The following STAT4 variants were observed in gnomAD, a reference collection of about 807,000 sequenced individuals.
STAT4 encodes the protein signal transducer and activator of transcription 4.
A neutral mutation model predicts 110.5 loss-of-function variants in STAT4; 42 were observed. That is an observed-to-expected ratio of 0.38 (90% CI 0.30 to 0.49). The LOEUF (loss-of-function observed/expected upper bound fraction) is 0.49. STAT4 is among the 20% of genes least tolerant of loss of function. STAT4 has a pLI of 0.95. For synonymous variants in STAT4, 284 were observed against 302.2 expected (o/e 0.94, Z 0.63); for missense variants, 632 against 887.9 (o/e 0.71, Z 3.66).
In STAT4 at chr2:191,031,487, C is replaced by T. The variant is rs1330106664; in HGVS notation, c.2074G>A (p.Gly692Ser). ...GGGATAAAAACAGAAGGAACATAAC[C>T]TTTGTCACCCCTTTCTGTTGGTCTT... ...VSRPTERGDK[G>S]YVPSVFIPIS... The change falls in exon 22 of 24, where the codon GGT becomes AGT. Residue 692 changes from glycine to serine, a missense_variant. Physicochemically the swap from Gly to Ser is moderately conservative, Grantham distance 56. Around this residue, in one of 4 missense-constraint regions of STAT4, gnomAD observed 38 missense variants for 33.2 expected, o/e 1.15. Transcript: ENST00000392320. The surrounding 1 kb of genome is among the most constrained non-coding windows in gnomAD (Gnocchi z 4.8). 1.2e-6 allele frequency: 2 copies of T among 1,613,184 alleles called. No homozygotes were observed. The highest frequency in any genetic ancestry group is 3.3e-5 in the Admixed American group (2 of 59,946).
chr2:191,124,404 G>A (rs371267804), intron 3 of STAT4, among the ~76,000 whole-genome samples: 1 of 143,744 alleles, frequency 7.0e-6, no homozygotes, highest in Admixed American at 7.2e-5. Context: ...GCAGTGAGCC[G>A]AGATAGCACC....
rs1695936358 is a variant in STAT4 at position 191,032,784 on chromosome 2, T to C, written c.2044+174A>G. Reference sequence around the variant, plus strand: ...GTGTTAGAAAGCCCAGCGGTCCCTTTTCAGGAACTGCTGACATACCACTTC... The same window carrying C: ...GTGTTAGAAAGCCCAGCGGTCCCTTCTCAGGAACTGCTGACATACCACTTC... On this transcript the variant is annotated intron_variant, in intron 21 of 23. Transcript: ENST00000392320. This position sits in a 1 kb window ranked among gnomAD's most constrained non-coding sequence, Gnocchi z 4.9. The C allele has an allele frequency of 1.5e-6, 1 of 652,784 alleles. No individual in the cohort carries two copies. The highest frequency in any genetic ancestry group is 2.5e-6 in the Non-Finnish European group (1 of 398,408). 40.4% of individuals were successfully genotyped at this position (652,784 alleles called of 1,614,324 possible). A position where few individuals can be genotyped will look rare whatever the true frequency, so the allele number is the denominator to read the frequency against.
At position 191,039,605 on chromosome 2, in the gene STAT4, C is replaced by T. The variant is rs538847400; in HGVS notation, c.1336-308G>A. Among the ~76,000 whole-genome samples the T allele has an allele frequency of 6.6e-6, 1 of 152,280 alleles. No individual in the cohort carries two copies. Among genetic ancestry groups the T allele is most frequent in the East Asian group, 1.9e-4 (1 of 5,190 alleles). ...TAAATGTCACCCACTGTCTCAAGTGCAATATATTAGAGAGTCTATTGAATT... is the reference window on the plus strand; with the variant it reads ...TAAATGTCACCCACTGTCTCAAGTGTAATATATTAGAGAGTCTATTGAATT... On this transcript the variant is annotated intron_variant, in intron 15 of 23. Transcript: ENST00000392320. The surrounding 1 kb of genome is among the most constrained non-coding windows in gnomAD (Gnocchi z 4.7).
chr2:191,089,286 A>T lies in STAT4; in HGVS notation c.274-12961T>A, dbSNP rs74554049. ...CTCACCAAAGAAGATATATAGATGA[A>T]AAATAGGCATATGAAAAGATGCTCC... On this transcript the variant is annotated intron_variant, in intron 3 of 23. Coordinates refer to ENST00000392320, the MANE Select transcript of STAT4 (RefSeq NM_003151.4). Among the ~76,000 whole-genome samples, 14 of 152,328 alleles carry T rather than the reference A, an allele frequency of 9.2e-5. No individual in the cohort carries two copies. The East Asian group carries it at 2.7e-3, about 29-fold the overall frequency.
In STAT4 at chr2:191,029,690, C is replaced by T; in HGVS notation, c.*150G>A. Reference sequence around the variant, plus strand: ...CACAACACTCCCAATTGAGGAGTGCCACGGGAGTGTGAAGAGAGCTTCAGA... The same window carrying T: ...CACAACACTCCCAATTGAGGAGTGCTACGGGAGTGTGAAGAGAGCTTCAGA... On this transcript the variant is annotated 3_prime_UTR_variant, in exon 24 of 24. Coordinates refer to ENST00000392320, the MANE Select transcript of STAT4 (RefSeq NM_003151.4). This position sits in a 1 kb window ranked among gnomAD's most constrained non-coding sequence, Gnocchi z 4.5. 1.4e-6 allele frequency: 1 copy of T among 711,162 alleles called. No homozygotes were observed. Among genetic ancestry groups the T allele is most frequent in the Non-Finnish European group, 2.4e-6 (1 of 418,658 alleles). 44.1% of individuals were successfully genotyped at this position (711,162 alleles called of 1,614,324 possible). A position where few individuals can be genotyped will look rare whatever the true frequency, so the allele number is the denominator to read the frequency against.
At chr2:191,098,250 A>T (rs1184573995) in intron 3 of STAT4, among the ~76,000 whole-genome samples, 2 of 152,240 alleles carry the variant, frequency 1.3e-5, no homozygotes, top group Non-Finnish European at 2.9e-5. Context: ...TGACCCAGCG[A>T]TCCCATTACT....
chr2:191,094,917 C>CAAAAAAAAAAAAAA (rs1165913847), intron 3 of STAT4, among the ~76,000 whole-genome samples: 5 of 77,918 alleles, frequency 6.4e-5, no homozygotes, highest in African/African-American at 1.2e-4. Context: ...AAATGGAAAG[C>CAAAAAAAAAAAAAA]AAAAAAAAAA....
intron 3 of STAT4, among the ~76,000 whole-genome samples, chr2:191,136,025 AAAAAAC>A (rs1221882644): frequency 4.8e-5 from 6 of 125,432 alleles, no homozygotes; most frequent in African/African-American, 1.9e-4. Context: ...AAAAAAAACC[AAAAAAC>A]AAAAAACCAA....
intron 3 of STAT4, among the ~76,000 whole-genome samples, chr2:191,106,863 T>C (rs1346878263): frequency 6.6e-6 from 1 of 152,138 alleles, no homozygotes; most frequent in Non-Finnish European, 1.5e-5. Flanking sequence ...TTAGGAATCT[T>C]ATAGTATGTG....
At chr2:191,130,522 T>C (rs909603570) in intron 3 of STAT4, among the ~76,000 whole-genome samples, 2 of 151,674 alleles carry the variant, frequency 1.3e-5, no homozygotes, top group East Asian at 3.8e-4. Context: ...GCGCTTGGCC[T>C]ATCTCGCTTT....
intron 5 of STAT4, among the ~76,000 whole-genome samples, chr2:191,072,685 TAGAC>T (rs1286409043): frequency 6.6e-6 from 1 of 152,120 alleles, no homozygotes; most frequent in Non-Finnish European, 1.5e-5. Context: ...AATCTCTAGA[TAGAC>T]TGATTATGGA....
At chr2:191,095,335 T>C (rs1697939512) in intron 3 of STAT4, among the ~76,000 whole-genome samples, 1 of 152,182 alleles carries the variant, frequency 6.6e-6, no homozygotes, top group African/African-American at 2.4e-5. Context: ...ACATCGCACT[T>C]ATTCCAAAAT....
In STAT4 at chr2:191,090,553, A is replaced by AAACTACTACT. The variant is rs1273597102; in HGVS notation, c.274-14238_274-14229dup. Among the ~76,000 whole-genome samples, 1 of 151,980 alleles carries AAACTACTACT rather than the reference A, an allele frequency of 6.6e-6. No homozygotes were observed. Among genetic ancestry groups the AAACTACTACT allele is most frequent in the African/African-American group, 2.4e-5 (1 of 41,388 alleles). On this transcript the variant is annotated intron_variant, in intron 3 of 23. Transcript: ENST00000392320. This position sits in a 1 kb window ranked among gnomAD's most constrained non-coding sequence, Gnocchi z 4.2. ...TGTCTTACCTTATTTATTTATTTTT[A>AAACTACTACT]AACTACTACTTGGTTTGTTTGTTTG...
At chr2:191,036,074 T>C in intron 17 of STAT4, 90 bp downstream of exon 17, 1 of 1,424,648 alleles carries the variant, frequency 7.0e-7, no homozygotes, top group Non-Finnish European at 9.5e-7. Flanking sequence ...TTATCATCTT[T>C]ATTATTAGTA....
In STAT4 at chr2:191,048,743, G is replaced by A. The variant is rs181629330; in HGVS notation, c.1251+5747C>T. ...GGAGGTTGCAGTGAGCTGAGATCACGCCGCTGCACTCCAGCCTGGGCAACA... is the reference window on the plus strand; with the variant it reads ...GGAGGTTGCAGTGAGCTGAGATCACACCGCTGCACTCCAGCCTGGGCAACA... On this transcript the variant is annotated intron_variant, in intron 14 of 23. Transcript: ENST00000392320. 6.5e-3 allele frequency among the ~76,000 whole-genome samples: 769 copies of A among 117,794 alleles called. 6 individuals are homozygous for A. In the Middle Eastern group the frequency reaches 0.072, roughly 11 times the overall value. 77.3% of individuals were successfully genotyped at this position (117,794 alleles called of 152,430 possible). A position where few individuals can be genotyped will look rare whatever the true frequency, so the allele number is the denominator to read the frequency against.
intron 3 of STAT4, among the ~76,000 whole-genome samples, chr2:191,087,187 A>G (rs73981267): frequency 1.2e-3 from 178 of 152,322 alleles, no homozygotes; most frequent in African/African-American, 4.1e-3. Flanking sequence ...GAAAGAAGAT[A>G]TGAAACAATA....
At position 191,138,456 on chromosome 2, in the gene STAT4, A is replaced by G. The variant is rs1416041210; in HGVS notation, c.273+8157T>C. 3.3e-5 allele frequency among the ~76,000 whole-genome samples: 5 copies of G among 152,238 alleles called. No homozygotes were observed. Among genetic ancestry groups the G allele is most frequent in the Non-Finnish European group, 5.9e-5 (4 of 68,038 alleles). ...CAATACCGCAGAAATACAAAAGATTAGCTAAGGCTATTATGAACACTTTTA... is the reference window on the plus strand; with the variant it reads ...CAATACCGCAGAAATACAAAAGATTGGCTAAGGCTATTATGAACACTTTTA... On this transcript the variant is annotated intron_variant, in intron 3 of 23. Transcript: ENST00000392320. The surrounding 1 kb of genome is among the most constrained non-coding windows in gnomAD (Gnocchi z 4.3).
At chr2:191,133,182 T>C (rs1448843773) in intron 3 of STAT4, among the ~76,000 whole-genome samples, 1 of 150,980 alleles carries the variant, frequency 6.6e-6, no homozygotes, top group African/African-American at 2.4e-5. Context: ...AATTTTATTT[T>C]AAAATATATA....
At chr2:191,109,142 G>A (rs774131001) in intron 3 of STAT4, among the ~76,000 whole-genome samples, 3 of 152,108 alleles carry the variant, frequency 2.0e-5, no homozygotes, top group Non-Finnish European at 2.9e-5. Context: ...CCTGTGGGTC[G>A]CAGGGCATCA....
Sources: allele counts gnomAD v4.1 joint callset (sites outside exome capture counted in the v4.1 genomes callset), GRCh38; gene constraint gnomAD v4.1.1; regional missense constraint gnomAD v4.1.1; non-coding constraint Gnocchi (gnomAD v3.1); transcripts MANE v1.5; gene names NCBI Gene and HGNC (gene_info 2026-07-23, HGNC 2026-07-21).